The following SPECC1L variants were observed in gnomAD, a reference collection of about 807,000 sequenced individuals.
SPECC1L encodes the protein sperm antigen with calponin homology and coiled-coil domains 1 like.
A neutral mutation model predicts 116.8 loss-of-function variants in SPECC1L; 40 were observed. That is an observed-to-expected ratio of 0.34 (90% CI 0.27 to 0.45). SPECC1L has a LOEUF of 0.45. Among genes scored for constraint, SPECC1L ranks in the 20% least tolerant of loss-of-function variants. SPECC1L has a pLI of 1.00. For synonymous variants in SPECC1L, 504 were observed against 500.6 expected (o/e 1.01, Z -0.09); for missense variants, 1,110 against 1,373.6 (o/e 0.81, Z 3.03).
At chr22:24,276,345 T>TC (rs1389341159) in intron 1 of SPECC1L, among the ~76,000 whole-genome samples, 1 of 152,130 alleles carries the variant, frequency 6.6e-6, no homozygotes, top group African/African-American at 2.4e-5. Flanking sequence ...GGCAGGGGGA[T>TC]CTCCTGAGTC....
intron 2 of SPECC1L, among the ~76,000 whole-genome samples, chr22:24,289,558 A>G (rs2049117797): frequency 6.6e-6 from 1 of 152,200 alleles, no homozygotes; most frequent in Non-Finnish European, 1.5e-5. Context: ...ATCGTTTCTA[A>G]TTATTTTCTT....
chr22:24,344,111 G>GA (rs2041239118), intron 10 of SPECC1L, among the ~76,000 whole-genome samples: 1 of 151,994 alleles, frequency 6.6e-6, no homozygotes, highest in Non-Finnish European at 1.5e-5. Context: ...TTCATTTTAG[G>GA]AAGCTAGCAT....
chr22:24,381,776 C>T (rs1430937519), intron 14 of SPECC1L, among the ~76,000 whole-genome samples: 9 of 152,076 alleles, frequency 5.9e-5, no homozygotes, highest in South Asian at 2.1e-4. Flanking sequence ...CCCAGCTACT[C>T]GGGAGGCTAA....
At chr22:24,359,513 G>A (rs762273566) in intron 11 of SPECC1L, among the ~76,000 whole-genome samples, 2 of 151,514 alleles carry the variant, frequency 1.3e-5, no homozygotes, top group African/African-American at 4.9e-5. Context: ...TCCATCTGTC[G>A]GCAAGTCTGT....
intron 13 of SPECC1L, among the ~76,000 whole-genome samples, chr22:24,367,103 A>G (rs1054650029): frequency 2.0e-5 from 3 of 152,236 alleles, no homozygotes; most frequent in Admixed American, 6.5e-5. Context: ...CTGAGGCCCT[A>G]GAATCGCTTG....
intron 14 of SPECC1L, among the ~76,000 whole-genome samples, chr22:24,410,935 T>A (rs1297064065): frequency 4.6e-5 from 7 of 152,008 alleles, no homozygotes; most frequent in African/African-American, 1.7e-4. Context: ...ACACCTATAA[T>A]CCCAGCACTT....
At chr22:24,409,200 G>A (rs1437835260) in intron 14 of SPECC1L, among the ~76,000 whole-genome samples, 1 of 152,172 alleles carries the variant, frequency 6.6e-6, no homozygotes, top group Non-Finnish European at 1.5e-5. Flanking sequence ...CTCATTCCTG[G>A]GAGGAGTATA....
At chr22:24,307,151 T>TG (rs2049515691) in intron 3 of SPECC1L, among the ~76,000 whole-genome samples, 1 of 152,174 alleles carries the variant, frequency 6.6e-6, no homozygotes, top group Non-Finnish European at 1.5e-5. Flanking sequence ...GCTTTCAATT[T>TG]TGGGGGGGGT....
chr22:24,340,237 C>T (rs1409788601), intron 10 of SPECC1L, among the ~76,000 whole-genome samples: 2 of 150,182 alleles, frequency 1.3e-5, no homozygotes, highest in African/African-American at 5.0e-5. Flanking sequence ...CAACCTCCAC[C>T]TCCTGGGTTC....
intron 8 of SPECC1L, among the ~76,000 whole-genome samples, chr22:24,332,765 A>T (rs954194945): frequency 1.3e-5 from 2 of 151,504 alleles, no homozygotes; most frequent in Admixed American, 1.3e-4. Context: ...TTAGCCCTGT[A>T]TTTATTTTTA....
intron 10 of SPECC1L, among the ~76,000 whole-genome samples, chr22:24,339,930 G>A (rs1047394689): frequency 9.2e-5 from 14 of 151,798 alleles, no homozygotes; most frequent in African/African-American, 2.9e-4. Flanking sequence ...GACCACAGGC[G>A]TGCACCACCA....
intron 2 of SPECC1L, among the ~76,000 whole-genome samples, chr22:24,289,377 A>G (rs770168202): frequency 6.6e-6 from 1 of 152,210 alleles, no homozygotes; most frequent in Non-Finnish European, 1.5e-5. Flanking sequence ...TGTTGTCAGT[A>G]GTTTAACGTC....
intron 2 of SPECC1L, among the ~76,000 whole-genome samples, chr22:24,297,829 A>G (rs1200361176): frequency 6.6e-6 from 1 of 152,224 alleles, no homozygotes; most frequent in African/African-American, 2.4e-5. Flanking sequence ...CTGCCTGCCC[A>G]TTAGTCCCTT....
intron 14 of SPECC1L, among the ~76,000 whole-genome samples, chr22:24,387,163 A>T (rs1465872156): frequency 6.6e-6 from 1 of 152,224 alleles, no homozygotes; most frequent in Non-Finnish European, 1.5e-5. Flanking sequence ...CCAAATAATC[A>T]TTAAGACGTA....
chr22:24,293,326 A>G (rs1345413535), intron 2 of SPECC1L, among the ~76,000 whole-genome samples: 3 of 151,792 alleles, frequency 2.0e-5, no homozygotes, highest in Admixed American at 6.6e-5. Context: ...GGTGGTACGC[A>G]CCTGTAGTCC....
intron 14 of SPECC1L, among the ~76,000 whole-genome samples, chr22:24,375,953 AC>A (rs1457839058): frequency 9.4e-5 from 14 of 149,680 alleles, no homozygotes; most frequent in South Asian, 2.2e-4. Flanking sequence ...CTGTCTCAAA[AC>A]AAACAAACAA....
At chr22:24,307,336 A>G (rs143633778) in intron 3 of SPECC1L, among the ~76,000 whole-genome samples, 169 of 152,156 alleles carry the variant, frequency 1.1e-3, no homozygotes, top group Middle Eastern at 6.8e-3. Context: ...TATCCATTCT[A>G]TTGGGTGTGA....
intron 3 of SPECC1L, among the ~76,000 whole-genome samples, chr22:24,306,009 G>A (rs1341372540): frequency 1.3e-5 from 2 of 151,504 alleles, no homozygotes; most frequent in South Asian, 2.1e-4. Flanking sequence ...GGGTTCAAGC[G>A]ATTCTCCTGC....
intron 14 of SPECC1L, among the ~76,000 whole-genome samples, chr22:24,375,334 A>G (rs191706778): frequency 6.6e-6 from 1 of 152,300 alleles, no homozygotes; most frequent in Admixed American, 6.5e-5. Flanking sequence ...TGAGGCCATC[A>G]TTACTCTCAT....
Sources: allele counts gnomAD v4.1 joint callset (sites outside exome capture counted in the v4.1 genomes callset), GRCh38; gene constraint gnomAD v4.1.1; transcripts MANE v1.5; gene names NCBI Gene and HGNC (gene_info 2026-07-23, HGNC 2026-07-21).